EEFSEC: variants seen among roughly 807,000 people sequenced by gnomAD.
EEFSEC encodes the protein eukaryotic elongation factor, selenocysteine-tRNA specific, also known as selenocysteine-specific elongation factor.
A neutral mutation model predicts 42.1 loss-of-function variants in EEFSEC; 43 were observed. The ratio of observed to expected loss-of-function variants is 1.02; its 90% CI spans 0.80 to 1.32. The LOEUF (loss-of-function observed/expected upper bound fraction) is 1.32, where lower values mean the gene tolerates loss of function less well. Among genes scored for constraint, EEFSEC ranks in the 40% most tolerant of loss-of-function variants. The pLI, the probability that EEFSEC is intolerant of heterozygous loss-of-function variation, is 0.00. For synonymous variants in EEFSEC, 354 were observed against 339.1 expected (o/e 1.04, Z -0.48); for missense variants, 745 against 803.6 (o/e 0.93, Z 0.88).
intron 5 of EEFSEC, among the ~76,000 whole-genome samples, chr3:128,344,628 C>T (rs934405360): frequency 6.6e-6 from 1 of 152,142 alleles, no homozygotes; most frequent in Non-Finnish European, 1.5e-5. Flanking sequence ...CAGATTCTTG[C>T]CCAGTGTGTC....
At chr3:128,319,407 G>C (rs1189624889) in intron 4 of EEFSEC, among the ~76,000 whole-genome samples, 1 of 152,176 alleles carries the variant, frequency 6.6e-6, no homozygotes, top group Non-Finnish European at 1.5e-5. Flanking sequence ...AGTGAGCGAG[G>C]GTGGCTCCAT....
rs544735738 is a variant in EEFSEC, at chr3:128,310,226, GA to G, written c.787-31005del. Among the ~76,000 whole-genome samples, 146 of 152,346 alleles carry G rather than the reference GA, an allele frequency of 9.6e-4. 2 individuals are homozygous for G. The highest frequency in any genetic ancestry group is 3.4e-3 in the Middle Eastern group (1 of 294). ...GCCTTTTGGCAAGGTTAGGAAATTAGAACTCACCTTAGTTGTGTATTTAATT... is the reference window on the plus strand; with the variant it reads ...GCCTTTTGGCAAGGTTAGGAAATTAGACTCACCTTAGTTGTGTATTTAATT... On this transcript the variant is annotated intron_variant, in intron 4 of 6. Coordinates refer to ENST00000254730, the MANE Select transcript of EEFSEC (RefSeq NM_021937.5).
the EEFSEC span, among the ~76,000 whole-genome samples, chr3:128,418,606 C>T: frequency 1.3e-5 from 2 of 151,772 alleles, no homozygotes; most frequent in South Asian, 4.2e-4. Flanking sequence ...TCCCTGCCCC[C>T]ACTCTGCCCA....
At chr3:128,185,658 C>G (rs1167495262) in intron 1 of EEFSEC, among the ~76,000 whole-genome samples, 1 of 152,144 alleles carries the variant, frequency 6.6e-6, no homozygotes, top group East Asian at 1.9e-4. Flanking sequence ...AACTCTTGGG[C>G]TCAAGCAATC....
chr3:128,392,294 C>A (rs115647506), intron 6 of EEFSEC, among the ~76,000 whole-genome samples: 1,936 of 152,318 alleles, frequency 0.013, 20 homozygotes, highest in Non-Finnish European at 0.021. Flanking sequence ...GCCAGGCCCC[C>A]TATGTCCTGG....
intron 1 of EEFSEC, among the ~76,000 whole-genome samples, chr3:128,242,403 C>A (rs1319410430): frequency 6.6e-6 from 1 of 152,132 alleles, no homozygotes; most frequent in African/African-American, 2.4e-5. Flanking sequence ...ACATGTACCC[C>A]TGAACTTAAA....
At chr3:128,258,329 C>T (rs1243770167) in intron 2 of EEFSEC, among the ~76,000 whole-genome samples, 1 of 152,132 alleles carries the variant, frequency 6.6e-6, no homozygotes, top group East Asian at 1.9e-4. Context: ...GATCCCAGCA[C>T]CGTGGGAAGG....
At chr3:128,388,625 G>A (rs1353904994) in intron 6 of EEFSEC, among the ~76,000 whole-genome samples, 2 of 152,258 alleles carry the variant, frequency 1.3e-5, no homozygotes, top group Non-Finnish European at 2.9e-5. Context: ...GGCCACTGCT[G>A]TGTAAGGCCC....
chr3:128,321,271 C>A (rs2067005154), intron 4 of EEFSEC, among the ~76,000 whole-genome samples: 1 of 152,098 alleles, frequency 6.6e-6, no homozygotes, highest in Non-Finnish European at 1.5e-5. Context: ...TTGGAACTGG[C>A]TTTCTGCTTG....
intron 4 of EEFSEC, among the ~76,000 whole-genome samples, chr3:128,279,724 T>G (rs1451592222): frequency 3.3e-5 from 5 of 152,188 alleles, no homozygotes; most frequent in Non-Finnish European, 7.4e-5. Context: ...CCTGTCCCCC[T>G]GCTCCCAGGC....
chr3:128,242,121 A>G (rs1314750415), intron 1 of EEFSEC, among the ~76,000 whole-genome samples: 3 of 152,150 alleles, frequency 2.0e-5, no homozygotes. Context: ...GTTCGAGACC[A>G]GCCTGGGCAA....
chr3:128,414,135 A>G, the EEFSEC span, among the ~76,000 whole-genome samples: 1 of 152,152 alleles, frequency 6.6e-6, no homozygotes, highest in South Asian at 2.1e-4. Flanking sequence ...TTCCCTGTCC[A>G]TGCCCTGAGG....
chr3:128,378,894 A>ATC (rs1262822796), intron 6 of EEFSEC, among the ~76,000 whole-genome samples: 10 of 152,168 alleles, frequency 6.6e-5, no homozygotes, highest in Non-Finnish European at 1.2e-4. Flanking sequence ...TCCACAGGCA[A>ATC]TCCTGGGCAT....
At chr3:128,297,154 T>A (rs1559908412) in intron 4 of EEFSEC, among the ~76,000 whole-genome samples, 1 of 151,992 alleles carries the variant, frequency 6.6e-6, no homozygotes, top group Non-Finnish European at 1.5e-5. Context: ...GGTGCCAACT[T>A]GGGCCTGAGA....
At chr3:128,363,529 G>T (rs1372402900) in intron 6 of EEFSEC, among the ~76,000 whole-genome samples, 1 of 152,178 alleles carries the variant, frequency 6.6e-6, no homozygotes, top group African/African-American at 2.4e-5. Context: ...TGGACAGAGG[G>T]CCTGAAATGA....
chr3:128,402,167 A>C (rs1167334074), intron 6 of EEFSEC, among the ~76,000 whole-genome samples: 1 of 152,206 alleles, frequency 6.6e-6, no homozygotes, highest in African/African-American at 2.4e-5. Context: ...CTTGGGAAAT[A>C]CATAAAAGAA....
chr3:128,404,859 T>C (rs905712221), intron 6 of EEFSEC, among the ~76,000 whole-genome samples: 1 of 152,108 alleles, frequency 6.6e-6, no homozygotes, highest in African/African-American at 2.4e-5. Context: ...GCCCCGTTCA[T>C]ATCAGCTGCA....
intron 4 of EEFSEC, among the ~76,000 whole-genome samples, chr3:128,273,112 T>C (rs1375645797): frequency 1.3e-5 from 2 of 152,210 alleles, no homozygotes; most frequent in East Asian, 3.9e-4. Context: ...CTCTGCATCT[T>C]GTCTTTTCTT....
At chr3:128,417,810 A>C in the EEFSEC span, among the ~76,000 whole-genome samples, 14 of 152,214 alleles carry the variant, frequency 9.2e-5, no homozygotes, top group African/African-American at 3.1e-4. The surrounding 1 kb of genome is among the most constrained non-coding windows in gnomAD (Gnocchi z 4.3). Context: ...ACCTTCATCA[A>C]CAGTGACAGG....
Sources: allele counts gnomAD v4.1 joint callset (sites outside exome capture counted in the v4.1 genomes callset), GRCh38; gene constraint gnomAD v4.1.1; non-coding constraint Gnocchi (gnomAD v3.1); transcripts MANE v1.5; gene names NCBI Gene and HGNC (gene_info 2026-07-23, HGNC 2026-07-21).